The following PRUNE2 variants were observed in gnomAD, a reference collection of about 807,000 sequenced individuals.
The protein encoded by PRUNE2 is protein prune homolog 2.
PRUNE2 carries 164 observed loss-of-function variants against 252.0 expected under a neutral mutation model. The observed-to-expected ratio is 0.65, with a 90% CI of 0.57 to 0.74. PRUNE2 has a LOEUF of 0.74. Ranked by LOEUF, PRUNE2 falls within the 30% of genes least tolerant of loss-of-function variation. The pLI is 0.00. For synonymous variants in PRUNE2, 1,292 were observed against 1,350.2 expected, an observed-to-expected ratio of 0.96 and a Z score of 0.94; for missense variants, 3,495 against 3,711.0, an observed-to-expected ratio of 0.94 and a Z score of 1.51.
At chr9:76,669,520 A>C (rs1224044862) in intron 9 of PRUNE2, among the ~76,000 whole-genome samples, 3 of 152,014 alleles carry the variant, frequency 2.0e-5, no homozygotes, top group Non-Finnish European at 2.9e-5. Flanking sequence ...AGTTTTCACC[A>C]TGTTGCCCAG....
chr9:76,729,654 T>G (rs960120091), intron 6 of PRUNE2, among the ~76,000 whole-genome samples: 6 of 152,134 alleles, frequency 3.9e-5, no homozygotes, highest in Non-Finnish European at 7.4e-5. Context: ...TAAAAAGAAA[T>G]GTTTTATTAT....
chr9:76,854,536 TATC>T (rs1229279704), intron 1 of PRUNE2, among the ~76,000 whole-genome samples: 1 of 152,232 alleles, frequency 6.6e-6, no homozygotes, highest in Admixed American at 6.5e-5. Flanking sequence ...TAGTATTCTA[TATC>T]ATTTCTTTAT....
chr9:76,711,029 A>C lies in PRUNE2; in HGVS notation c.1245T>G (p.Ala415=). The C allele has an allele frequency of 6.2e-7, 1 of 1,613,972 alleles. No homozygotes were observed. Among genetic ancestry groups the C allele is most frequent in the Non-Finnish European group, 8.5e-7 (1 of 1,179,870 alleles). The change falls in exon 8 of 19, where the codon GCT becomes GCG. Residue 415 remains alanine (A), a synonymous_variant. Transcript: ENST00000376718. ...NPPDLNDSNQ[A]QVDANVDLVS... The stretch of plus-strand genomic sequence containing the variant: ...CAAGGTCTACATTGGCATCCACCTG[A>C]GCCTGGTTAGAATCATTGAGATCTG...
In PRUNE2 at chr9:76,710,609, C is replaced by G; in HGVS notation, c.1665G>C (p.Leu555Phe). 6 of 1,613,538 alleles carry G rather than the reference C, an allele frequency of 3.7e-6. No homozygotes were observed. Among genetic ancestry groups the G allele is most frequent in the Non-Finnish European group, 5.1e-6 (6 of 1,179,704 alleles). The change falls in exon 8 of 19, where the codon TTG (leucine) becomes TTC (phenylalanine). Residue 555 changes from leucine (L) to phenylalanine (F), a missense_variant. By Grantham distance (22) the Leu-to-Phe change is conservative. Transcript: ENST00000376718. ...CAAGGCTATCTTTGCCAGCCCCTGACAAAAGTGAACTGGATGAATAATTAG... is the reference window on the plus strand; with the variant it reads ...CAAGGCTATCTTTGCCAGCCCCTGAGAAAAGTGAACTGGATGAATAATTAG... ...NMSNYSSSSLLSGAGKDSLVE... is the reference protein window; with the variant it reads ...NMSNYSSSSLFSGAGKDSLVE...
chr9:76,692,989 C>T (rs1027337340), intron 9 of PRUNE2: 4 of 135,294 alleles, frequency 3.0e-5, no homozygotes, highest in African/African-American at 1.3e-4. Flanking sequence ...TCCACCCCCT[C>T]CCCCCCTCCA....
intron 9 of PRUNE2, among the ~76,000 whole-genome samples, chr9:76,690,946 TA>T (rs2044654105): frequency 6.6e-6 from 1 of 152,220 alleles, no homozygotes; most frequent in South Asian, 2.1e-4. Context: ...ACCTCCCAGA[TA>T]GGAAGTTTCT....
chr9:76,773,916 T>C (rs918534395), intron 6 of PRUNE2, among the ~76,000 whole-genome samples: 1 of 151,930 alleles, frequency 6.6e-6, no homozygotes, highest in East Asian at 1.9e-4. Flanking sequence ...ATAAAGCAGG[T>C]AGAGAAATGA....
At chr9:76,898,775 A>T (rs1227195881) in intron 1 of PRUNE2, among the ~76,000 whole-genome samples, 1 of 152,234 alleles carries the variant, frequency 6.6e-6, no homozygotes, top group Non-Finnish European at 1.5e-5. Flanking sequence ...AGCAAGAAAT[A>T]TCAAATGCAT....
chr9:76,771,392 T>C (rs1450317434), intron 6 of PRUNE2, among the ~76,000 whole-genome samples: 1 of 152,210 alleles, frequency 6.6e-6, no homozygotes, highest in Non-Finnish European at 1.5e-5. Context: ...TATTTCTTCA[T>C]GCACTTAATA....
chr9:76,668,151 C>CA (rs1254875638), intron 9 of PRUNE2, among the ~76,000 whole-genome samples: 1 of 152,162 alleles, frequency 6.6e-6, no homozygotes, highest in African/African-American at 2.4e-5. Context: ...ATTTTAAATA[C>CA]ACATAGCCTT....
chr9:76,898,575 C>T (rs950258722), intron 1 of PRUNE2, among the ~76,000 whole-genome samples: 2 of 152,098 alleles, frequency 1.3e-5, no homozygotes, highest in East Asian at 1.9e-4. Flanking sequence ...TTATTCTTGA[C>T]AGTAACCAAA....
At chr9:76,827,003 T>C (rs902378648) in intron 4 of PRUNE2, among the ~76,000 whole-genome samples, 3 of 152,072 alleles carry the variant, frequency 2.0e-5, no homozygotes, top group Non-Finnish European at 4.4e-5. Flanking sequence ...AGGAAAAAAA[T>C]GTGTATATTC....
At position 76,612,520 on chromosome 9, in the gene PRUNE2, T is replaced by G. The variant is rs1827753758; in HGVS notation, c.*2050A>C. 6.6e-6 allele frequency: 1 copy of G among 152,162 alleles called. No individual in the cohort carries two copies. The allele number at this position is 152,162 out of a possible 1,614,324, so 9.4% of individuals were successfully genotyped here. A position where few individuals can be genotyped will look rare whatever the true frequency, so the allele number is the denominator to read the frequency against. On this transcript the variant is annotated 3_prime_UTR_variant, in exon 19 of 19. Transcript: ENST00000376718. ...AAACAGGAATATTGGGTAACTGTAT[T>G]TACGTCAACACTGTGTTCTGGGAGA...
chr9:76,855,635 T>C (rs2060215991), intron 1 of PRUNE2, among the ~76,000 whole-genome samples: 1 of 152,274 alleles, frequency 6.6e-6, no homozygotes, highest in Non-Finnish European at 1.5e-5. Context: ...TTATAGACAA[T>C]GAAAGCAGTA....
At chr9:76,880,596 AT>A (rs1564495569) in intron 1 of PRUNE2, among the ~76,000 whole-genome samples, 1 of 152,220 alleles carries the variant, frequency 6.6e-6, no homozygotes, top group East Asian at 1.9e-4. Context: ...ACATTAAAAA[AT>A]AAATTAATTT....
chr9:76,614,625 GA>G, intron 18 of PRUNE2, 25 bp from the exon 19 acceptor site: 1 of 1,586,810 alleles, frequency 6.3e-7, no homozygotes, highest in Non-Finnish European at 8.6e-7. Context: ...AAAAGAGAGA[GA>G]AACATGAGAA....
chr9:76,641,202 A>G (rs917380688), intron 12 of PRUNE2, among the ~76,000 whole-genome samples: 3 of 152,216 alleles, frequency 2.0e-5, no homozygotes, highest in Non-Finnish European at 4.4e-5. Flanking sequence ...ATGGAAATTT[A>G]TAAATGAAAA....
intron 15 of PRUNE2, among the ~76,000 whole-genome samples, chr9:76,630,017 A>G (rs1836788114): frequency 6.6e-6 from 1 of 152,170 alleles, no homozygotes; most frequent in Admixed American, 6.5e-5. Flanking sequence ...GGCAGAGCCT[A>G]TACTAACCTG....
At chr9:76,903,711 C>G (rs529822843) in intron 1 of PRUNE2, among the ~76,000 whole-genome samples, 71 of 152,272 alleles carry the variant, frequency 4.7e-4, no homozygotes, top group African/African-American at 1.6e-3. Context: ...CCTCTGCCCC[C>G]CTAGTAGCTG....
Sources: gnomAD v4.1 joint callset for allele counts (sites outside exome capture counted in the v4.1 genomes callset) on GRCh38, gnomAD v4.1.1 for gene constraint, MANE v1.5 for transcripts, NCBI Gene and HGNC (gene_info 2026-07-23, HGNC 2026-07-21) for gene names.